The following FRG2C variants were observed in gnomAD, a reference collection of about 807,000 sequenced individuals.
The protein encoded by FRG2C is protein FRG2-like-2.
FRG2C carries 8 observed loss-of-function variants against 14.1 expected under a neutral mutation model. The ratio of observed to expected loss-of-function variants is 0.57; its 90% CI spans 0.33 to 1.02. The LOEUF is 1.02. Ranked by LOEUF, FRG2C falls within the 50% of genes least tolerant of loss-of-function variation. FRG2C has a pLI of 0.03. For synonymous variants in FRG2C, 92 were observed against 127.4 expected, an observed-to-expected ratio of 0.72 and a Z score of 1.87; for missense variants, 214 against 334.2, an observed-to-expected ratio of 0.64 and a Z score of 2.80.
Position 75,664,801 on chromosome 3 carries a change from C to G in FRG2C, c.179-18C>G. Reference sequence around the variant, plus strand: ...CTCTGCCTAGGGAGAGGTGAGCCATCTAAACCTTCTCTTGCAGCAGGATCA... The same window carrying G: ...CTCTGCCTAGGGAGAGGTGAGCCATGTAAACCTTCTCTTGCAGCAGGATCA... On this transcript the variant is annotated intron_variant, in intron 1 of 3. Coordinates refer to ENST00000308062, the MANE Select transcript of FRG2C (RefSeq NM_001124759.5). 6.2e-7 allele frequency: 1 copy of G among 1,614,204 alleles called. No individual in the cohort carries two copies. The highest frequency in any genetic ancestry group is 1.7e-5 in the Admixed American group (1 of 60,026).
intron 1 of FRG2C, 117 bp from the exon 2 acceptor site, chr3:75,664,702 C>G (rs1194073428): frequency 6.2e-7 from 1 of 1,605,300 alleles, no homozygotes; most frequent in African/African-American, 1.3e-5. Context: ...GAAATGTGTT[C>G]ACTCATGACA....
chr3:75,664,978 C>A (rs571779240), intron 2 of FRG2C, 82 bp downstream of exon 2: 43 of 1,612,306 alleles, frequency 2.7e-5, no homozygotes, highest in Non-Finnish European at 3.5e-5. Context: ...AGCTCCTTGG[C>A]AGCCAGGGCA....
chr3:75,666,432 T>G lies in FRG2C; in HGVS notation c.*391T>G, dbSNP rs1411407551. The stretch of plus-strand genomic sequence containing the variant: ...TCTTGCTATGTCACTCAGGCTGGAG[T>G]GCAGTGGCACAATCTTAGCTCACTG... On this transcript the variant is annotated 3_prime_UTR_variant, in exon 4 of 4. Transcript: ENST00000308062. 165 of 378,016 alleles carry G rather than the reference T, an allele frequency of 4.4e-4. No individual in the cohort carries two copies. Among genetic ancestry groups the G allele is most frequent in the Admixed American group, 8.6e-4 (19 of 22,036 alleles). 23.4% of individuals were successfully genotyped at this position (378,016 alleles called of 1,614,324 possible). A position where few individuals can be genotyped will look rare whatever the true frequency, so the allele number is the denominator to read the frequency against.
rs2106740543 is a variant in FRG2C, at chr3:75,665,663, C to A, written c.471C>A (p.Ser157Arg). The change falls in exon 4 of 4, where the codon AGC (serine) becomes AGA (arginine). Residue 157 changes from serine to arginine, a missense_variant. Physicochemically the swap from Ser to Arg is moderately radical, Grantham distance 110 (BLOSUM62 -1). Coordinates refer to ENST00000308062, the MANE Select transcript of FRG2C (RefSeq NM_001124759.5). The part of the protein sequence containing the change: ...RGSSRACTGR[S>R]KRHRSRALEV... ...GTTCCAGGGCTTGCACTGGGCGCAG[C>A]AAGCGGCATAGGTCTCGGGCCCTAG... is the stretch of plus-strand genomic sequence containing the variant. 6.2e-7 allele frequency: 1 copy of A among 1,614,050 alleles called. No homozygotes were observed. Among genetic ancestry groups the A allele is most frequent in the South Asian group, 1.1e-5 (1 of 91,072 alleles).
In FRG2C at chr3:75,666,084, C is replaced by T. The variant is rs3966934; in HGVS notation, c.*43C>T. On this transcript the variant is annotated 3_prime_UTR_variant, in exon 4 of 4. Transcript: ENST00000308062. Reference sequence around the variant, plus strand: ...GCAGCTCTGGGAATGAGAACAAGGACCTGCTTCTTCTCAGATTCTTCCAGA... The same window carrying T: ...GCAGCTCTGGGAATGAGAACAAGGATCTGCTTCTTCTCAGATTCTTCCAGA... The T allele has an allele frequency of 6.2e-7, 1 of 1,611,708 alleles. No individual in the cohort carries two copies. Among genetic ancestry groups the T allele is most frequent in the Non-Finnish European group, 8.5e-7 (1 of 1,179,730 alleles).
At position 75,664,493 on chromosome 3, in the gene FRG2C, A is replaced by G; in HGVS notation, c.114A>G (p.Lys38=). The change falls in exon 1 of 4, where the codon AAA becomes AAG. Residue 38 remains lysine (K), a synonymous_variant. Coordinates refer to ENST00000308062, the MANE Select transcript of FRG2C (RefSeq NM_001124759.5). ...CAGAAAAGGGCTCAGATGAGAAGAA[A>G]CCATTCAAAGGAAAAGGCAAGACCG... ...SFTEKGSDEK[K]PFKGKGKTAF... The G allele has an allele frequency of 6.2e-7, 1 of 1,613,396 alleles. No individual in the cohort carries two copies. Among genetic ancestry groups the G allele is most frequent in the East Asian group, 2.2e-5 (1 of 44,894 alleles).
At position 75,666,160 on chromosome 3, in the gene FRG2C, T is replaced by C. The variant is rs1937097310; in HGVS notation, c.*119T>C. 4 of 1,564,480 alleles carry C rather than the reference T, an allele frequency of 2.6e-6. No homozygotes were observed. Among genetic ancestry groups the C allele is most frequent in the Middle Eastern group, 2.4e-4 (1 of 4,180 alleles). On this transcript the variant is annotated 3_prime_UTR_variant, in exon 4 of 4. Transcript: ENST00000308062. ...CACTGTGTTAATAAATGACAGAACCTGAAGAAGTCATAGGAAAGAAACTTG... is the reference window on the plus strand; with the variant it reads ...CACTGTGTTAATAAATGACAGAACCCGAAGAAGTCATAGGAAAGAAACTTG...
chr3:75,665,693 C>G lies in FRG2C; in HGVS notation c.501C>G (p.Val167=). The change falls in exon 4 of 4, where the codon GTC becomes GTG. Residue 167 remains valine (V), a synonymous_variant. Transcript: ENST00000308062. ...SKRHRSRALE[V]QTPSLRKSLV... ...GGCATAGGTCTCGGGCCCTAGAAGTCCAAACACCGTCACTTCGAAAAAGCT... is the reference window on the plus strand; with the variant it reads ...GGCATAGGTCTCGGGCCCTAGAAGTGCAAACACCGTCACTTCGAAAAAGCT... The G allele has an allele frequency of 1.9e-6, 3 of 1,603,976 alleles. No individual in the cohort carries two copies. The highest frequency in any genetic ancestry group is 1.7e-5 in the Admixed American group (1 of 59,750).
rs1392944844 is a variant in FRG2C, at chr3:75,664,835, T to C, written c.195T>C (p.Asn65=). The part of the protein sequence containing the change: ...HTQRQAGSDP[N]PNKENSEETK... ...CTCTTGCAGCAGGATCAGATCCCAA[T>C]CCAAACAAGGAGAATTCTGAGGAAA... The change falls in exon 2 of 4, where the codon AAT becomes AAC. Residue 65 remains asparagine, a synonymous_variant. Transcript: ENST00000308062. The C allele has an allele frequency of 8.1e-6, 13 of 1,614,054 alleles. No homozygotes were observed. Among genetic ancestry groups the C allele is most frequent in the Non-Finnish European group, 9.3e-6 (11 of 1,180,034 alleles).
Position 75,665,535 on chromosome 3 carries a change from C to G in FRG2C, c.343C>G (p.Pro115Ala). The G allele has an allele frequency of 1.2e-6, 2 of 1,613,670 alleles. No homozygotes were observed. The highest frequency in any genetic ancestry group is 1.7e-6 in the Non-Finnish European group (2 of 1,179,696). Residue 115 changes from proline (P) to alanine (A), a missense_variant, in exon 4 of 4, where the codon CCA becomes GCA. Around this residue, in one of 3 missense-constraint regions of FRG2C, gnomAD observed 136 missense variants for 148.1 expected, o/e 0.92. Transcript: ENST00000308062. ...DICQDRAGNC[P>A]EEECNLTLNK... is the part of the protein sequence containing the mutation. ...ACATGCTTTCTTTGCAGGGAACTGT[C>G]CAGAAGAGGAGTGCAACTTGACGTT...
rs1186798815 is a variant in FRG2C at position 75,666,028 on chromosome 3, T to C, written c.836T>C (p.Leu279Pro). 6.2e-7 allele frequency: 1 copy of C among 1,612,150 alleles called. No homozygotes were observed. Among genetic ancestry groups the C allele is most frequent in the East Asian group, 2.2e-5 (1 of 44,906 alleles). ...GTCAGTGGATCAGATGAGGCTAAGC[T>C]GGGAGCACCCTGACCCTATTCAGCA... ...EPVSGSDEAK[L>P]GAP is the part of the protein sequence containing the mutation. The change falls in exon 4 of 4, where the codon CTG (leucine) becomes CCG (proline). Residue 279 changes from leucine (L) to proline (P), a missense_variant. Physicochemically the swap from Leu to Pro is moderately conservative, Grantham distance 98. Around this residue, in one of 3 missense-constraint regions of FRG2C, gnomAD observed 55 missense variants for 118.9 expected, o/e 0.46. Transcript: ENST00000308062.
chr3:75,664,766 G>A, intron 1 of FRG2C, 53 bp from the exon 2 acceptor site: 1 of 1,613,200 alleles, frequency 6.2e-7, no homozygotes, highest in Non-Finnish European at 8.5e-7. Flanking sequence ...ATGAGAGATA[G>A]ACTATGGGAC....
chr3:75,665,308 G>A (rs78294859), intron 3 of FRG2C, 105 bp downstream of exon 3: 130 of 1,446,828 alleles, frequency 9.0e-5, no homozygotes, highest in East Asian at 7.1e-4. Flanking sequence ...AGGCTTGAGC[G>A]GAAAGGGAAT....
chr3:75,664,738 A>G (rs1937039860), intron 1 of FRG2C, 81 bp from the exon 2 acceptor site: 8 of 1,610,654 alleles, frequency 5.0e-6, no homozygotes, highest in Non-Finnish European at 5.9e-6. Context: ...CACATGAAAG[A>G]CTGATTCTCA....
chr3:75,665,561 G>C lies in FRG2C; in HGVS notation c.369G>C (p.Leu123Phe). Residue 123 changes from leucine (L) to phenylalanine (F), a missense_variant, in exon 4 of 4, where the codon TTG becomes TTC. Leu to Phe is a conservative substitution (Grantham distance 22, BLOSUM62 0). This residue lies in a region of FRG2C where 136 missense variants were observed against 148.1 expected (regional missense o/e 0.92). Transcript: ENST00000308062. ...NCPEEECNLT[L>F]NKKSRSSTAV... is the part of the protein sequence containing the mutation. ...CAGAAGAGGAGTGCAACTTGACGTT[G>C]AATAAAAAATCAAGATCCTCCACTG... The C allele has an allele frequency of 2.5e-6, 4 of 1,613,944 alleles. No homozygotes were observed. The highest frequency in any genetic ancestry group is 2.2e-5 in the South Asian group (2 of 91,082).
chr3:75,666,537 G>C lies in FRG2C; in HGVS notation c.*496G>C. 6.8e-6 allele frequency: 1 copy of C among 147,530 alleles called. No individual in the cohort carries two copies. The highest frequency in any genetic ancestry group is 1.3e-5 in the Non-Finnish European group (1 of 75,584). 9.1% of individuals were successfully genotyped at this position (147,530 alleles called of 1,614,324 possible). On this transcript the variant is annotated 3_prime_UTR_variant, in exon 4 of 4. Transcript: ENST00000308062. Reference sequence around the variant, plus strand: ...TGGGACTACAGGCATGTACCGCCATGCCTGGCTAATGTTTTTTTCTTGTAT... The same window carrying C: ...TGGGACTACAGGCATGTACCGCCATCCCTGGCTAATGTTTTTTTCTTGTAT...
intron 1 of FRG2C, 77 bp from the exon 2 acceptor site, chr3:75,664,742 A>G: frequency 1.2e-6 from 2 of 1,611,200 alleles, no homozygotes; most frequent in Non-Finnish European, 1.7e-6. Flanking sequence ...TGAAAGACTG[A>G]TTCTCAAAAA....
At position 75,664,334 on chromosome 3, in the gene FRG2C, T is replaced by G; in HGVS notation, c.-46T>G. The G allele has an allele frequency of 6.2e-7, 1 of 1,611,984 alleles. No individual in the cohort carries two copies. Among genetic ancestry groups the G allele is most frequent in the Non-Finnish European group, 8.5e-7 (1 of 1,179,822 alleles). On this transcript the variant is annotated 5_prime_UTR_variant, in exon 1 of 4. Transcript: ENST00000308062. ...AGGTCTAGCAGACTAACCCACACTC[T>G]GCCTTTGGACATGTGAGAGAGCGCA...
Position 75,666,798 on chromosome 3 carries a change from A to G in FRG2C, c.*757A>G, listed in dbSNP as rs1485480254. The G allele has an allele frequency of 6.6e-6, 1 of 152,316 alleles. No homozygotes were observed. The highest frequency in any genetic ancestry group is 2.4e-5 in the African/African-American group (1 of 41,486). 9.4% of individuals were successfully genotyped at this position (152,316 alleles called of 1,614,324 possible). On this transcript the variant is annotated 3_prime_UTR_variant, in exon 4 of 4. Coordinates refer to ENST00000308062, the MANE Select transcript of FRG2C (RefSeq NM_001124759.5). ...ATGTTTATACATTTTTACAGTTTGC[A>G]TAGTAAAATTACTATGCAAGCTGTT... is the stretch of plus-strand genomic sequence containing the variant.
Sources: gnomAD v4.1 joint callset for allele counts on GRCh38, gnomAD v4.1.1 for gene constraint, gnomAD v4.1.1 regional missense constraint, MANE v1.5 for transcripts, NCBI Gene and HGNC (gene_info 2026-07-23, HGNC 2026-07-21) for gene names.